ZFHX4: variants seen among roughly 807,000 people sequenced by gnomAD.
The protein encoded by ZFHX4 is zinc finger homeobox 4, also known as zinc finger homeobox protein 4.
ZFHX4 carries 56 observed loss-of-function variants against 267.6 expected under a neutral mutation model. That is an observed-to-expected ratio of 0.21 (90% CI 0.17 to 0.26). The LOEUF is 0.26. ZFHX4 is among the 10% of genes least tolerant of loss of function. The pLI is 1.00. For synonymous variants in ZFHX4, 1,778 were observed against 1,665.6 expected (o/e 1.07, Z -1.64); for missense variants, 4,332 against 4,420.0 (o/e 0.98, Z 0.56).
chr8:76,817,370 G>A (rs2131856575), intron 4 of ZFHX4, among the ~76,000 whole-genome samples: 1 of 152,192 alleles, frequency 6.6e-6, no homozygotes, highest in South Asian at 2.1e-4. Flanking sequence ...ATCCTTTGAA[G>A]ATTTTTTTTT....
chr8:76,788,144 A>T (rs1051008170), intron 4 of ZFHX4, among the ~76,000 whole-genome samples: 1 of 152,182 alleles, frequency 6.6e-6, no homozygotes, highest in African/African-American at 2.4e-5. Flanking sequence ...ATCAGGTTGG[A>T]TAGTAACATA....
intron 4 of ZFHX4, among the ~76,000 whole-genome samples, chr8:76,791,960 A>G (rs1357436740): frequency 1.3e-5 from 2 of 152,184 alleles, no homozygotes; most frequent in Non-Finnish European, 2.9e-5. Context: ...CTATACAACC[A>G]TGAAACCTTT....
chr8:76,785,557 A>G (rs1297690845), intron 4 of ZFHX4, among the ~76,000 whole-genome samples: 1 of 152,164 alleles, frequency 6.6e-6, no homozygotes, highest in East Asian at 1.9e-4. Context: ...TGAGAAGCGT[A>G]ATACAAAGGC....
At chr8:76,755,208 T>C (rs1249551223) in intron 3 of ZFHX4, among the ~76,000 whole-genome samples, 3 of 152,194 alleles carry the variant, frequency 2.0e-5, no homozygotes, top group Non-Finnish European at 4.4e-5. Flanking sequence ...ATTGATGTAT[T>C]AGAATCTTTA....
chr8:76,727,873 A>G (rs1563487493), intron 3 of ZFHX4, among the ~76,000 whole-genome samples: 1 of 152,156 alleles, frequency 6.6e-6, no homozygotes, highest in Non-Finnish European at 1.5e-5. Context: ...GAGGCTCAGC[A>G]GGATTAGACA....
chr8:76,830,494 C>T (rs546002387), intron 4 of ZFHX4, among the ~76,000 whole-genome samples: 1 of 152,262 alleles, frequency 6.6e-6, no homozygotes, highest in African/African-American at 2.4e-5. Flanking sequence ...TGCTATGTAT[C>T]ATTACTAGGT....
At chr8:76,844,490 A>T (rs969682077) in intron 6 of ZFHX4, among the ~76,000 whole-genome samples, 1 of 152,102 alleles carries the variant, frequency 6.6e-6, no homozygotes, top group African/African-American at 2.4e-5. Context: ...TTTACCATTG[A>T]GGAAAGAATC....
intron 3 of ZFHX4, among the ~76,000 whole-genome samples, chr8:76,736,278 GA>G (rs1165699647): frequency 6.6e-6 from 1 of 151,074 alleles, no homozygotes; most frequent in Non-Finnish European, 1.5e-5. Context: ...GTCAAGCCTT[GA>G]AAAAAAACGA....
intron 3 of ZFHX4, among the ~76,000 whole-genome samples, chr8:76,718,966 CACAT>C (rs1808648213): frequency 1.3e-5 from 2 of 150,668 alleles, no homozygotes; most frequent in Middle Eastern, 3.4e-3. Flanking sequence ...CACACACACA[CACAT>C]GCTTTTCCAA....
intron 4 of ZFHX4, among the ~76,000 whole-genome samples, chr8:76,830,633 C>T (rs1331345933): frequency 6.6e-6 from 1 of 152,052 alleles, no homozygotes; most frequent in Non-Finnish European, 1.5e-5. Context: ...AGGATCTAAA[C>T]ATTCTTTTAT....
intron 1 of ZFHX4, among the ~76,000 whole-genome samples, chr8:76,692,536 G>GT (rs1374786165): frequency 6.6e-6 from 1 of 151,896 alleles, no homozygotes; most frequent in Non-Finnish European, 1.5e-5. Context: ...CAACTTATGG[G>GT]TCTCCACCTG....
At position 76,864,622 on chromosome 8, in the gene ZFHX4, AT is replaced by A. The variant is rs1190630190; in HGVS notation, c.*58del. On this transcript the variant is annotated 3_prime_UTR_variant, in exon 11 of 11. Transcript: ENST00000651372. ...TAAAAAATAAAAAAATAAAAAAAAA[AT>A]AAGACTTTAACTGCAGTTCCAAAGC... The A allele has an allele frequency of 9.2e-7, 1 of 1,085,638 alleles. No individual in the cohort carries two copies. The highest frequency in any genetic ancestry group is 1.6e-5 in the African/African-American group (1 of 63,162). The allele number at this position is 1,085,638 out of a possible 1,614,324, so 67.3% of individuals were successfully genotyped here.
At chr8:76,701,126 CT>C (rs1174058432) in intron 1 of ZFHX4, among the ~76,000 whole-genome samples, 1 of 152,030 alleles carries the variant, frequency 6.6e-6, no homozygotes, top group African/African-American at 2.4e-5. Context: ...ATCTAAATAA[CT>C]TTTTATCTAT....
At chr8:76,686,599 A>T (rs938188378) in intron 1 of ZFHX4, among the ~76,000 whole-genome samples, 1 of 152,170 alleles carries the variant, frequency 6.6e-6, no homozygotes, top group Non-Finnish European at 1.5e-5. Flanking sequence ...AAAGCTCATT[A>T]GGTGCTGCTG....
Position 76,864,270 on chromosome 8 carries a change from C to G in ZFHX4, c.10556C>G (p.Ser3519Cys). 6.2e-7 allele frequency: 1 copy of G among 1,613,944 alleles called. No homozygotes were observed. The highest frequency in any genetic ancestry group is 8.5e-7 in the Non-Finnish European group (1 of 1,179,856). ...ASSNNTYPHL[S>C]CFSMKSWPNI... is the part of the protein sequence containing the mutation. ...TCTAATAACACCTATCCTCATCTTT[C>G]TTGCTTCTCCATGAAGTCCTGGCCT... Residue 3519 changes from serine to cysteine, a missense_variant, in exon 11 of 11, where the codon TCT (serine) becomes TGT (cysteine). Coordinates refer to ENST00000651372, the MANE Select transcript of ZFHX4 (RefSeq NM_024721.5).
intron 3 of ZFHX4, among the ~76,000 whole-genome samples, chr8:76,743,915 T>C (rs572631351): frequency 2.0e-4 from 31 of 152,362 alleles, no homozygotes; most frequent in African/African-American, 7.2e-4. Context: ...TACTATTTTT[T>C]GGAAGAAAGA....
intron 3 of ZFHX4, among the ~76,000 whole-genome samples, chr8:76,744,771 G>T (rs1809414472): frequency 1.3e-5 from 2 of 152,104 alleles, no homozygotes; most frequent in African/African-American, 2.4e-5. Flanking sequence ...TAGATAAAAT[G>T]AAAATGAAAT....
At chr8:76,754,822 C>T (rs1339660277) in intron 3 of ZFHX4, among the ~76,000 whole-genome samples, 1 of 152,124 alleles carries the variant, frequency 6.6e-6, no homozygotes, top group South Asian at 2.1e-4. Context: ...ATTTTATATT[C>T]ATTAACCAAC....
chr8:76,745,879 G>A (rs73231779), intron 3 of ZFHX4, among the ~76,000 whole-genome samples: 2,609 of 152,158 alleles, frequency 0.017, 83 homozygotes, highest in African/African-American at 0.058. Flanking sequence ...TTTAATTAAT[G>A]CAATGTTCTT....
Sources: allele counts gnomAD v4.1 joint callset (sites outside exome capture counted in the v4.1 genomes callset), GRCh38; gene constraint gnomAD v4.1.1; transcripts MANE v1.5; gene names NCBI Gene and HGNC (gene_info 2026-07-23, HGNC 2026-07-21).